The following CDC14A variants were observed in gnomAD, a reference collection of about 807,000 sequenced individuals.
The protein encoded by CDC14A is dual specificity protein phosphatase CDC14A.
CDC14A carries 53 observed loss-of-function variants against 74.4 expected under a neutral mutation model. The observed-to-expected ratio is 0.71, with a 90% CI of 0.57 to 0.89. The LOEUF is 0.89. Among genes scored for constraint, CDC14A ranks in the 40% least tolerant of loss-of-function variants. CDC14A has a pLI of 0.00. For missense variants in CDC14A, 646 were observed against 713.7 expected (o/e 0.91, Z 1.08); for synonymous variants, 247 against 258.4 (o/e 0.96, Z 0.43).
chr1:100,362,255 G>A (rs1448561806), intron 2 of CDC14A, among the ~76,000 whole-genome samples: 3 of 152,134 alleles, frequency 2.0e-5, no homozygotes, highest in Non-Finnish European at 4.4e-5. Flanking sequence ...TTCTGGCTTT[G>A]TGATTTGAGC....
chr1:100,460,196 A>G lies in CDC14A; in HGVS notation c.608-2455A>G, dbSNP rs558286204. ...AAGTGCTTGATAAACGTTAGGTGCA[A>G]TTATTGTTGTTATTATTATTTCAGT... On this transcript the variant is annotated intron_variant, in intron 8 of 15. Transcript: ENST00000336454. 1.1e-4 allele frequency among the ~76,000 whole-genome samples: 16 copies of G among 152,290 alleles called. No homozygotes were observed. In the South Asian group the frequency reaches 1.9e-3, roughly 18 times the overall value.
intron 5 of CDC14A, among the ~76,000 whole-genome samples, chr1:100,433,325 T>C (rs1663938144): frequency 6.6e-6 from 1 of 152,238 alleles, no homozygotes; most frequent in Non-Finnish European, 1.5e-5. Context: ...CACTGTACTA[T>C]ACTCTGGGCC....
At chr1:100,398,084 C>A (rs1481032723) in intron 4 of CDC14A, among the ~76,000 whole-genome samples, 1 of 152,180 alleles carries the variant, frequency 6.6e-6, no homozygotes, top group Non-Finnish European at 1.5e-5. Context: ...CTTATCCAAA[C>A]TCCTGTTTTT....
At chr1:100,349,482 A>T (rs570860113), upstream of CDC14A, among the ~76,000 whole-genome samples, 10 of 152,340 alleles carry the variant, frequency 6.6e-5, no homozygotes, top group Non-Finnish European at 2.9e-5. Flanking sequence ...CCTCAGGATA[A>T]CTGAGAGAAT....
rs545366952 is a variant in CDC14A at position 100,377,099 on chromosome 1, T to A, written c.141-447T>A. Among the ~76,000 whole-genome samples, 333 of 151,590 alleles carry A rather than the reference T, an allele frequency of 2.2e-3. 2 individuals are homozygous for A. Among genetic ancestry groups the A allele is most frequent in the African/African-American group, 7.4e-3 (306 of 41,222 alleles). ...CCCAGGCTGGAGTGCAGTGGTGCGA[T>A]CTCTGGCTCACCGCAACCTCCACCT... On this transcript the variant is annotated intron_variant, in intron 2 of 15. Transcript: ENST00000336454.
chr1:100,393,510 A>C, intron 4 of CDC14A: 3 of 764,346 alleles, frequency 3.9e-6, no homozygotes, highest in Non-Finnish European at 7.3e-6. Context: ...TTCATTTCTC[A>C]TCATGTCAGT....
chr1:100,496,205 A>G (rs1647070912), intron 13 of CDC14A, among the ~76,000 whole-genome samples, 156 bp downstream of exon 13: 1 of 140,484 alleles, frequency 7.1e-6, no homozygotes, highest in South Asian at 2.4e-4. Flanking sequence ...CTTATTTTTA[A>G]TGCTCACCAT....
At chr1:100,381,908 A>G (rs1656158718) in intron 3 of CDC14A, among the ~76,000 whole-genome samples, 1 of 152,198 alleles carries the variant, frequency 6.6e-6, no homozygotes, top group Non-Finnish European at 1.5e-5. Flanking sequence ...GATGCATTGA[A>G]GTGAGAACAA....
intron 5 of CDC14A, among the ~76,000 whole-genome samples, chr1:100,433,077 C>T (rs2101105190): frequency 6.6e-6 from 1 of 151,790 alleles, no homozygotes; most frequent in East Asian, 1.9e-4. Context: ...AAGGGGTCTC[C>T]CTCTATTGTC....
At chr1:100,459,116 C>G (rs1279147239) in intron 8 of CDC14A, among the ~76,000 whole-genome samples, 199 of 148,048 alleles carry the variant, frequency 1.3e-3, no homozygotes, top group African/African-American at 5.0e-3. Flanking sequence ...CACACACACA[C>G]ACACACACAC....
In CDC14A at chr1:100,520,061, G is replaced by A. The variant is rs996488602; in HGVS notation, c.*1781G>A. 7.2e-4 allele frequency: 109 copies of A among 152,444 alleles called. No homozygotes were observed. Among genetic ancestry groups the A allele is most frequent in the African/African-American group, 2.6e-3 (109 of 41,488 alleles). 9.4% of individuals were successfully genotyped at this position (152,444 alleles called of 1,614,324 possible). A position where few individuals can be genotyped will look rare whatever the true frequency, so the allele number is the denominator to read the frequency against. ...GTGTCATATGTATGTACATGTATAT[G>A]TCTAAAAATTACTTTACACATGTGC... is the stretch of plus-strand genomic sequence containing the variant. On this transcript the variant is annotated 3_prime_UTR_variant, in exon 16 of 16. Transcript: ENST00000336454.
chr1:100,500,294 A>G (rs368228112), intron 15 of CDC14A, among the ~76,000 whole-genome samples: 4 of 152,144 alleles, frequency 2.6e-5, no homozygotes, highest in South Asian at 2.1e-4. Context: ...CACACTTGCT[A>G]TTCTTGAAAC....
intron 1 of CDC14A, among the ~76,000 whole-genome samples, chr1:100,346,162 A>G (rs1403932163): frequency 6.6e-6 from 1 of 152,046 alleles, no homozygotes; most frequent in African/African-American, 2.4e-5. Flanking sequence ...ACAGAGCAAG[A>G]CTCCATCTCA....
chr1:100,444,575 T>G (rs755189398), intron 7 of CDC14A, among the ~76,000 whole-genome samples: 40 of 152,180 alleles, frequency 2.6e-4, no homozygotes, highest in Non-Finnish European at 4.6e-4. Flanking sequence ...TAGTTACTGT[T>G]TCTTGAATAT....
At chr1:100,360,778 T>C (rs1459353485) in intron 2 of CDC14A, among the ~76,000 whole-genome samples, 4 of 152,318 alleles carry the variant, frequency 2.6e-5, no homozygotes, top group Admixed American at 2.0e-4. Context: ...GATAAATTAT[T>C]ACTCTGTTTT....
At chr1:100,359,948 T>TC (rs1230387183) in intron 2 of CDC14A, among the ~76,000 whole-genome samples, 5 of 149,958 alleles carry the variant, frequency 3.3e-5, no homozygotes, top group African/African-American at 9.8e-5. Flanking sequence ...CTTCTTCTTT[T>TC]TTTTTTTTTT....
intron 9 of CDC14A, among the ~76,000 whole-genome samples, chr1:100,466,483 A>C (rs185004086): frequency 6.6e-6 from 1 of 152,214 alleles, no homozygotes; most frequent in Non-Finnish European, 1.5e-5. Context: ...TCGAAAGAAC[A>C]TTGATGTTTG....
At chr1:100,400,587 C>T (rs1358094161) in intron 4 of CDC14A, among the ~76,000 whole-genome samples, 1 of 152,070 alleles carries the variant, frequency 6.6e-6, no homozygotes, top group Non-Finnish European at 1.5e-5. Context: ...GTTTGATAGG[C>T]AACTCTTTTG....
chr1:100,363,336 A>G (rs190758397), intron 2 of CDC14A: 12 of 152,286 alleles, frequency 7.9e-5, no homozygotes, highest in African/African-American at 2.9e-4. Context: ...TAAAAGAGAA[A>G]ATGATTTTAG....
Sources: gnomAD v4.1 joint callset for allele counts (sites outside exome capture counted in the v4.1 genomes callset) on GRCh38, gnomAD v4.1.1 for gene constraint, MANE v1.5 for transcripts, NCBI Gene and HGNC (gene_info 2026-07-23, HGNC 2026-07-21) for gene names.